Variants in SKIC3 observed in about 807,000 individuals in gnomAD.
SKIC3 encodes the protein SKI3 subunit of superkiller complex.
At chr5:95,487,954 G>A in the SKIC3 span, among the ~76,000 whole-genome samples, 1 of 151,922 alleles carries the variant, frequency 6.6e-6, no homozygotes, top group African/African-American at 2.4e-5. Flanking sequence ...AAGCAATTTA[G>A]GACATTAATG....
chr5:95,492,015 C>T, the SKIC3 span, among the ~76,000 whole-genome samples: 1 of 151,908 alleles, frequency 6.6e-6, no homozygotes, highest in African/African-American at 2.4e-5. Flanking sequence ...TTATAGGTGA[C>T]CAGTATTATT....
the SKIC3 span, chr5:95,546,868 C>G: frequency 6.8e-6 from 4 of 591,674 alleles, no homozygotes; most frequent in East Asian, 1.2e-4. Context: ...GTTACCAATA[C>G]AGAGAAAGTT....
At chr5:95,492,652 GAAAAAAAAAAAAAAAAAAAAAAA>G in the SKIC3 span, among the ~76,000 whole-genome samples, 28 of 48,844 alleles carry the variant, frequency 5.7e-4, no homozygotes, top group East Asian at 1.5e-3. Context: ...AAAAAAAAAA[GAAAAAAAAAAAAAAAAAAAAAAA>G]AAAAAAAAAA....
chr5:95,473,118 A>G, the SKIC3 span, among the ~76,000 whole-genome samples: 17 of 152,142 alleles, frequency 1.1e-4, no homozygotes, highest in Admixed American at 1.0e-3. Flanking sequence ...CTTTGAGTGT[A>G]TACTCAGTAA....
chr5:95,550,825 A>G, the SKIC3 span: 1 of 152,216 alleles, frequency 6.6e-6, no homozygotes, highest in Non-Finnish European at 1.5e-5. Flanking sequence ...CACTATTCTT[A>G]ATCTCCAAAC....
chr5:95,494,704 C>T, the SKIC3 span: 1 of 1,613,636 alleles, frequency 6.2e-7, no homozygotes, highest in African/African-American at 1.3e-5. Context: ...GAGCTGCCTT[C>T]TGAATGGTCT....
At chr5:95,543,078 G>C in the SKIC3 span, 1 of 1,348,536 alleles carries the variant, frequency 7.4e-7, no homozygotes. Flanking sequence ...TTCTTACATG[G>C]GGCAAATGTA....
chr5:95,468,365 T>C, the SKIC3 span, among the ~76,000 whole-genome samples: 1,859 of 152,260 alleles, frequency 0.012, 38 homozygotes, highest in African/African-American at 0.042. Context: ...TTTTGAAAAG[T>C]AGGCAGAAAC....
At chr5:95,502,851 T>C in the SKIC3 span, 4 of 1,610,946 alleles carry the variant, frequency 2.5e-6, no homozygotes, top group East Asian at 8.9e-5. Context: ...TATCTGGTCA[T>C]GTTAAGTGTT....
the SKIC3 span, chr5:95,482,396 T>C: frequency 6.9e-7 from 1 of 1,446,510 alleles, no homozygotes; most frequent in South Asian, 1.1e-5. Context: ...CAAATAAAAA[T>C]GGAGCATAGC....
chr5:95,489,732 A>G, the SKIC3 span, among the ~76,000 whole-genome samples: 5 of 152,178 alleles, frequency 3.3e-5, no homozygotes, highest in Admixed American at 6.5e-5. Context: ...TCAAACACCT[A>G]TAGTCTAAAC....
At chr5:95,496,630 G>C in the SKIC3 span, among the ~76,000 whole-genome samples, 15 of 152,132 alleles carry the variant, frequency 9.9e-5, no homozygotes, top group Admixed American at 5.2e-4. Context: ...TCTGTAGAAA[G>C]GCACCTTAAT....
At chr5:95,524,484 GC>G in the SKIC3 span, 3 of 1,613,276 alleles carry the variant, frequency 1.9e-6, no homozygotes, top group Non-Finnish European at 2.5e-6. Flanking sequence ...GTGGGTAAGA[GC>G]CTTTGTTTTA....
chr5:95,546,713 G>T, the SKIC3 span, among the ~76,000 whole-genome samples: 2 of 152,014 alleles, frequency 1.3e-5, no homozygotes, highest in African/African-American at 4.8e-5. Context: ...TTATAATCTT[G>T]GTCCTCTCAT....
At chr5:95,490,420 A>AAT in the SKIC3 span, among the ~76,000 whole-genome samples, 4 of 147,830 alleles carry the variant, frequency 2.7e-5, no homozygotes, top group Non-Finnish European at 4.5e-5. Context: ...ACATTATTTA[A>AAT]ATATATATAT....
chr5:95,494,863 CTA>C, the SKIC3 span: 2 of 1,595,706 alleles, frequency 1.3e-6, no homozygotes, highest in Non-Finnish European at 1.7e-6. Flanking sequence ...CTAAAAGACT[CTA>C]TTTGATATGA....
At chr5:95,467,156 T>C in the SKIC3 span, among the ~76,000 whole-genome samples, 1 of 152,180 alleles carries the variant, frequency 6.6e-6, no homozygotes, top group Non-Finnish European at 1.5e-5. Flanking sequence ...CTTTTAAACT[T>C]GTGATGTTCT....
the SKIC3 span, among the ~76,000 whole-genome samples, chr5:95,549,714 T>C: frequency 2.8e-4 from 43 of 152,158 alleles, no homozygotes; most frequent in Admixed American, 1.1e-3. Context: ...TCTGCCCCTT[T>C]TCAACCCTAA....
chr5:95,475,250 T>C, the SKIC3 span, among the ~76,000 whole-genome samples: 1,400 of 152,266 alleles, frequency 9.2e-3, 20 homozygotes, highest in African/African-American at 0.032. Flanking sequence ...CTTGGAGCTG[T>C]GTCCCAGCCT....
Sources: gnomAD v4.1 joint callset for allele counts (sites outside exome capture counted in the v4.1 genomes callset) on GRCh38, gnomAD v4.1.1 for gene constraint, MANE v1.5 for transcripts, NCBI Gene and HGNC (gene_info 2026-07-23, HGNC 2026-07-21) for gene names.